Variants in GRIP2 observed in about 807,000 individuals in gnomAD.
The protein encoded by GRIP2 is glutamate receptor interacting protein 2.
A neutral mutation model predicts 108.3 loss-of-function variants in GRIP2; 58 were observed. The observed-to-expected ratio is 0.54, with a 90% CI of 0.43 to 0.67. GRIP2 has a LOEUF of 0.67. Among genes scored for constraint, GRIP2 ranks in the 30% least tolerant of loss-of-function variants. GRIP2 has a pLI of 0.00. For missense variants in GRIP2, 1,278 were observed against 1,430.6 expected, an observed-to-expected ratio of 0.89 and a Z score of 1.72; for synonymous variants, 586 against 598.2, an observed-to-expected ratio of 0.98 and a Z score of 0.30.
intron 20 of GRIP2, among the ~76,000 whole-genome samples, chr3:14,504,140 G>A (rs1046289701): frequency 2.0e-5 from 3 of 152,082 alleles, no homozygotes; most frequent in Admixed American, 6.5e-5. Context: ...GGAAGGGGTC[G>A]AGACCACCCA....
the GRIP2 span, among the ~76,000 whole-genome samples, chr3:14,572,031 A>G: frequency 6.6e-6 from 1 of 152,144 alleles, no homozygotes; most frequent in African/African-American, 2.4e-5. Context: ...CGTATATTCT[A>G]AAATATATCT....
the GRIP2 span, among the ~76,000 whole-genome samples, chr3:14,570,964 T>C: frequency 6.6e-6 from 1 of 152,094 alleles, no homozygotes; most frequent in Non-Finnish European, 1.5e-5. Flanking sequence ...ACCAGACAAT[T>C]CTTTGTGGTG....
the GRIP2 span, chr3:14,574,699 G>A: frequency 6.7e-6 from 4 of 598,004 alleles, no homozygotes; most frequent in South Asian, 1.5e-5. Flanking sequence ...AAGCTTCGAC[G>A]CTGTGCCCAG....
At chr3:14,545,283 G>C (rs1018807869), upstream of GRIP2, among the ~76,000 whole-genome samples, 1 of 152,376 alleles carries the variant, frequency 6.6e-6, no homozygotes, top group Admixed American at 6.5e-5. Flanking sequence ...GGCCCAGAAA[G>C]GTAAAGCCAC....
chr3:14,506,239 G>GTCC (rs907204114), intron 19 of GRIP2, among the ~76,000 whole-genome samples: 3 of 152,310 alleles, frequency 2.0e-5, no homozygotes, highest in African/African-American at 7.2e-5. Flanking sequence ...CCCCTACCCA[G>GTCC]TCCTCTGAGT....
the GRIP2 span, among the ~76,000 whole-genome samples, chr3:14,566,876 G>C: frequency 6.6e-6 from 1 of 152,132 alleles, no homozygotes; most frequent in East Asian, 1.9e-4. Context: ...AAATTAAGAA[G>C]TTGGCCCTCT....
chr3:14,572,866 C>A, the GRIP2 span: 1 of 1,190,362 alleles, frequency 8.4e-7, no homozygotes, highest in African/African-American at 1.5e-5. Flanking sequence ...AGCTGAGCAT[C>A]CAGTTCGTAC....
intron 9 of GRIP2, 71 bp downstream of exon 9, chr3:14,520,039 C>T: frequency 7.0e-7 from 1 of 1,428,044 alleles, no homozygotes. Context: ...CTGCCCAGGG[C>T]TCTGGTCCCA....
chr3:14,509,407 G>A (rs1247352164), intron 17 of GRIP2, among the ~76,000 whole-genome samples: 1 of 152,220 alleles, frequency 6.6e-6, no homozygotes, highest in African/African-American at 2.4e-5. Flanking sequence ...CAGAGTCTAG[G>A]GGCAGCAGGG....
At chr3:14,572,024 A>T in the GRIP2 span, among the ~76,000 whole-genome samples, 4 of 152,122 alleles carry the variant, frequency 2.6e-5, no homozygotes, top group African/African-American at 9.7e-5. Context: ...CAAGATACGT[A>T]TATTCTAAAA....
intron 21 of GRIP2, among the ~76,000 whole-genome samples, chr3:14,499,865 G>T (rs1423644742): frequency 6.6e-6 from 1 of 152,018 alleles, no homozygotes; most frequent in Non-Finnish European, 1.5e-5. Flanking sequence ...ATACACTAAC[G>T]TTAACAATAG....
the GRIP2 span, among the ~76,000 whole-genome samples, chr3:14,567,925 A>G: frequency 9.2e-5 from 14 of 152,212 alleles, no homozygotes; most frequent in Admixed American, 7.9e-4. Flanking sequence ...CTTCACACAA[A>G]TGAAGGGAAT....
Position 14,493,256 on chromosome 3 carries a change from C to T in GRIP2, c.*409G>A, listed in dbSNP as rs1701376182. 1 of 176,062 alleles carries T rather than the reference C, an allele frequency of 5.7e-6. No homozygotes were observed. The highest frequency in any genetic ancestry group is 1.5e-4 in the East Asian group (1 of 6,566). The allele number at this position is 176,062 out of a possible 1,614,324, so 10.9% of individuals were successfully genotyped here. On this transcript the variant is annotated 3_prime_UTR_variant, in exon 24 of 24. Coordinates refer to ENST00000621039, the MANE Select transcript of GRIP2 (RefSeq NM_001080423.4). ...TGCTCACCTCCTGTGACCGAGAACTCACTCCTCCTTGCAGCTCATTCCAGC... is the reference window on the plus strand; with the variant it reads ...TGCTCACCTCCTGTGACCGAGAACTTACTCCTCCTTGCAGCTCATTCCAGC...
intron 21 of GRIP2, among the ~76,000 whole-genome samples, chr3:14,498,119 G>A (rs114824432): frequency 1.7e-4 from 26 of 152,316 alleles, no homozygotes; most frequent in African/African-American, 5.5e-4. Flanking sequence ...CATTTGGGGT[G>A]CGGGGGGTTG....
At chr3:14,541,777 G>C, upstream of GRIP2, 1 of 832,600 alleles carries the variant, frequency 1.2e-6, no homozygotes, top group Non-Finnish European at 1.8e-6. Context: ...CTCAGCCACA[G>C]GGTGGGTGGT....
At chr3:14,585,514 G>A in the GRIP2 span, among the ~76,000 whole-genome samples, 2 of 152,186 alleles carry the variant, frequency 1.3e-5, no homozygotes, top group African/African-American at 2.4e-5. Context: ...TTCTGGGACC[G>A]AGGCAGCTGG....
At chr3:14,601,446 C>T in the GRIP2 span, among the ~76,000 whole-genome samples, 7 of 152,164 alleles carry the variant, frequency 4.6e-5, no homozygotes, top group Non-Finnish European at 7.3e-5. Context: ...CAGCCCTTCT[C>T]CCCTGCCTCC....
Position 14,523,045 on chromosome 3 carries a change from C to G in GRIP2, c.521G>C (p.Arg174Pro). The change falls in exon 6 of 24, where the codon CGC becomes CCC. Residue 174 changes from arginine (R) to proline (P), a missense_variant. Physicochemically the swap from Arg to Pro is moderately radical, Grantham distance 103. Coordinates refer to ENST00000621039, the MANE Select transcript of GRIP2 (RefSeq NM_001080423.4). Reference sequence around the variant, plus strand: ...CCGCACGTAGGTCAGGACAAGCGGGCGGGACTTGTGCCCATCTTCATGGGC... The same window carrying G: ...CCGCACGTAGGTCAGGACAAGCGGGGGGGACTTGTGCCCATCTTCATGGGC... ...GGAHEDGHKSRPLVLTYVRPG... is the reference protein window; with the variant it reads ...GGAHEDGHKSPPLVLTYVRPG... 6.2e-7 allele frequency: 1 copy of G among 1,612,230 alleles called. No homozygotes were observed. Among genetic ancestry groups the G allele is most frequent in the Non-Finnish European group, 8.5e-7 (1 of 1,179,066 alleles).
Position 14,540,252 on chromosome 3 carries a change from G to C in GRIP2, c.40+17C>G. On this transcript the variant is annotated intron_variant, in intron 1 of 23. Transcript: ENST00000621039. This position sits in a 1 kb window ranked among gnomAD's most constrained non-coding sequence, Gnocchi z 4.1. ...GTTCAGCCCCATCACTCTGCCCACA[G>C]ACCCCCCATTACGTACCCGCCTCTC... 6.2e-7 allele frequency: 1 copy of C among 1,612,698 alleles called. No homozygotes were observed. Among genetic ancestry groups the C allele is most frequent in the Non-Finnish European group, 8.5e-7 (1 of 1,179,322 alleles).
Sources: gnomAD v4.1 joint callset for allele counts (sites outside exome capture counted in the v4.1 genomes callset) on GRCh38, gnomAD v4.1.1 for gene constraint, Gnocchi (gnomAD v3.1) non-coding constraint, MANE v1.5 for transcripts, NCBI Gene and HGNC (gene_info 2026-07-23, HGNC 2026-07-21) for gene names.